The following KIF9 variants were observed in gnomAD, a reference collection of about 807,000 sequenced individuals.
KIF9 encodes kinesin-like protein KIF9.
In KIF9, 68 loss-of-function variants were observed where a neutral mutation model predicts 94.8. That is an observed-to-expected ratio of 0.72 (90% CI 0.59 to 0.88). The LOEUF is 0.88. Ranked by LOEUF, KIF9 falls within the 40% of genes least tolerant of loss-of-function variation. KIF9 has a pLI of 0.00. For missense variants in KIF9, 882 were observed against 982.5 expected (o/e 0.90, Z 1.37); for synonymous variants, 343 against 362.1 (o/e 0.95, Z 0.60).
chr3:47,268,643 C>T (rs1272473417), intron 5 of KIF9, among the ~76,000 whole-genome samples: 3 of 148,614 alleles, frequency 2.0e-5, no homozygotes, highest in African/African-American at 5.0e-5. Flanking sequence ...AGTGCAGTGG[C>T]GTGATGTTGG....
intron 9 of KIF9, chr3:47,263,849 G>A: frequency 2.2e-6 from 1 of 456,922 alleles, no homozygotes; most frequent in South Asian, 1.5e-5. Flanking sequence ...GCACATGGCA[G>A]GTGCTTAATA....
intron 20 of KIF9, among the ~76,000 whole-genome samples, chr3:47,229,245 T>C (rs1188479871): frequency 1.3e-5 from 2 of 152,224 alleles, no homozygotes; most frequent in African/African-American, 4.8e-5. Context: ...GAGTCTGAAT[T>C]GAAGCTCCCA....
At position 47,231,404 on chromosome 3, in the gene KIF9, CTTT is replaced by C. The variant is rs34079988; in HGVS notation, c.2323-2705_2323-2703del. 4.5e-4 allele frequency among the ~76,000 whole-genome samples: 36 copies of C among 79,776 alleles called. 1 individual carries two copies. Among genetic ancestry groups the C allele is most frequent in the Middle Eastern group, 8.1e-3 (1 of 124 alleles). The allele number at this position is 79,776 out of a possible 152,430, so 52.3% of individuals were successfully genotyped here. On this transcript the variant is annotated intron_variant, in intron 20 of 20. Transcript: ENST00000684063. ...GAATCTCAGGCTCCATCAGTATCTACTTTTTTTTTTTTTTTTTTTTTTTTTTTA... is the reference window on the plus strand; with the variant it reads ...GAATCTCAGGCTCCATCAGTATCTACTTTTTTTTTTTTTTTTTTTTTTTTA...
intron 20 of KIF9, among the ~76,000 whole-genome samples, chr3:47,232,285 T>C (rs530345172): frequency 6.6e-6 from 1 of 152,224 alleles, no homozygotes; most frequent in South Asian, 2.1e-4. Context: ...GCTGTTTTTT[T>C]TGTTTTGTTT....
At chr3:47,262,652 G>A (rs1478546442) in intron 9 of KIF9, among the ~76,000 whole-genome samples, 1 of 152,148 alleles carries the variant, frequency 6.6e-6, no homozygotes, top group African/African-American at 2.4e-5. Flanking sequence ...GTCAGCTGGA[G>A]CTCTCCTCCC....
intron 10 of KIF9, among the ~76,000 whole-genome samples, chr3:47,257,090 T>C (rs1700665371): frequency 6.6e-6 from 1 of 152,018 alleles, no homozygotes; most frequent in Non-Finnish European, 1.5e-5. Flanking sequence ...ACTATGGTCC[T>C]ATGACCCTGC....
intron 10 of KIF9, among the ~76,000 whole-genome samples, chr3:47,253,280 C>T (rs138989774): frequency 0.033 from 4,960 of 152,028 alleles, 235 homozygotes; most frequent in East Asian, 0.13. Context: ...CTCAGCCTCC[C>T]GAGTAGCTAG....
intron 10 of KIF9, chr3:47,250,656 C>T (rs1333607715): frequency 1.3e-5 from 5 of 396,142 alleles, no homozygotes; most frequent in African/African-American, 4.1e-5. Context: ...GGAGAAGAAT[C>T]GCTAAGTCAT....
chr3:47,239,073 G>C (rs987934651), intron 17 of KIF9, among the ~76,000 whole-genome samples: 1 of 152,182 alleles, frequency 6.6e-6, no homozygotes. Context: ...TGGCGGGTAT[G>C]CCTGTAATCG....
intron 5 of KIF9, among the ~76,000 whole-genome samples, chr3:47,270,777 C>CT (rs1344087372): frequency 0.012 from 1,703 of 145,966 alleles, 15 homozygotes; most frequent in South Asian, 0.021. Context: ...TTTTTTGTTC[C>CT]TTTTTTTTTT....
Position 47,247,436 on chromosome 3 carries a change from G to T in KIF9, c.1170C>A (p.Ile390=), listed in dbSNP as rs1314077551. ...TFVTYDPMDE[I]QIAEINSQVR... is the part of the protein sequence containing the mutation. ...CCTGGGAGTTGATCTCAGCAATCTG[G>T]ATTTCATCCATGGGGTCATAGGTCA... The change falls in exon 12 of 21, where the codon ATC becomes ATA. Residue 390 remains isoleucine (I), a synonymous_variant. Transcript: ENST00000684063. 1 of 1,613,820 alleles carries T rather than the reference G, an allele frequency of 6.2e-7. No homozygotes were observed. Among genetic ancestry groups the T allele is most frequent in the African/African-American group, 1.3e-5 (1 of 74,936 alleles).
At chr3:47,250,451 T>C (rs1700197443) in intron 10 of KIF9, 8 of 223,518 alleles carry the variant, frequency 3.6e-5, no homozygotes, top group South Asian at 3.2e-4. Context: ...CCAAGTGCTT[T>C]AAAAAGCACT....
chr3:47,244,613 G>A (rs1209679247), intron 15 of KIF9, 178 bp downstream of exon 15: 14 of 707,192 alleles, frequency 2.0e-5, no homozygotes, highest in East Asian at 7.5e-5. Flanking sequence ...ATTCTTGTGC[G>A]GTTCCAAACC....
At position 47,236,533 on chromosome 3, in the gene KIF9, G is replaced by A. The variant is rs778271494; in HGVS notation, c.2011C>T (p.Arg671Cys). The A allele has an allele frequency of 2.4e-5, 38 of 1,613,870 alleles. No homozygotes were observed. Among genetic ancestry groups the A allele is most frequent in the Middle Eastern group, 1.7e-4 (1 of 5,986 alleles). ...TCACGCAGGTCCTGGTACTCGCTGC[G>A]GTACTGCTTCTTGAGGTCTTTGAGC... ...LKLKDLKKQYRSEYQDLRDLR... is the reference protein window; with the variant it reads ...LKLKDLKKQYCSEYQDLRDLR... The change falls in exon 18 of 21, where the codon CGC becomes TGC. Residue 671 changes from arginine (R) to cysteine (C), a missense_variant. Physicochemically the swap from Arg to Cys is radical, Grantham distance 180 (BLOSUM62 -3). Transcript: ENST00000684063.
rs1191611074 is a variant in KIF9, at chr3:47,240,814, T to C, written c.1911A>G (p.Leu637=). The C allele has an allele frequency of 4.3e-6, 7 of 1,613,886 alleles. No individual in the cohort carries two copies. In the African/African-American group the frequency reaches 5.3e-5, roughly 12 times the overall value. The change falls in exon 17 of 21, where the codon CTA becomes CTG. Residue 637 remains leucine (L), a synonymous_variant. Transcript: ENST00000684063. Reference sequence around the variant, plus strand: ...CAACACATTTACCTTGCTTCTCCCGTAGTGACTTCTGGAAATTCAGGGCCT... The same window carrying C: ...CAACACATTTACCTTGCTTCTCCCGCAGTGACTTCTGGAAATTCAGGGCCT... ...TKEALNFQKS[L]REKQGKYENK... is the part of the protein sequence containing the mutation.
In KIF9 at chr3:47,255,361, A is replaced by G. The variant is rs145630483; in HGVS notation, c.1059+2122T>C. 7.7e-4 allele frequency among the ~76,000 whole-genome samples: 118 copies of G among 152,276 alleles called. 2 individuals carry two copies. The highest frequency in any genetic ancestry group is 2.7e-3 in the African/African-American group (111 of 41,544). On this transcript the variant is annotated intron_variant, in intron 10 of 20. Coordinates refer to ENST00000684063, the MANE Select transcript of KIF9 (RefSeq NM_182902.4). Reference sequence around the variant, plus strand: ...GGTTTTAATTTGTATTTCCCTTGTTAATGGTGATGCTGAGCACTCCCTCTG... The same window carrying G: ...GGTTTTAATTTGTATTTCCCTTGTTGATGGTGATGCTGAGCACTCCCTCTG...
chr3:47,278,059 T>C (rs1305323246), intron 1 of KIF9, among the ~76,000 whole-genome samples: 1 of 151,904 alleles, frequency 6.6e-6, no homozygotes, highest in Admixed American at 6.6e-5. Flanking sequence ...AAGGAAGACA[T>C]AGGACATATA....
At chr3:47,264,985 G>C (rs1398919157) in intron 8 of KIF9, among the ~76,000 whole-genome samples, 1 of 152,152 alleles carries the variant, frequency 6.6e-6, no homozygotes. Context: ...GCTAGGCATT[G>C]AATCTGCTGG....
At chr3:47,253,941 C>T (rs905122172) in intron 10 of KIF9, among the ~76,000 whole-genome samples, 2 of 152,214 alleles carry the variant, frequency 1.3e-5, no homozygotes, top group African/African-American at 4.8e-5. Context: ...GACCTATAGT[C>T]TCTCACACAT....
Sources: allele counts gnomAD v4.1 joint callset (sites outside exome capture counted in the v4.1 genomes callset), GRCh38; gene constraint gnomAD v4.1.1; transcripts MANE v1.5; gene names NCBI Gene and HGNC (gene_info 2026-07-23, HGNC 2026-07-21).